VPS54: variants seen among roughly 807,000 people sequenced by gnomAD.
The protein encoded by VPS54 is VPS54 subunit of GARP complex, also known as vacuolar protein sorting-associated protein 54.
VPS54 carries 45 observed loss-of-function variants against 121.5 expected under a neutral mutation model. The ratio of observed to expected loss-of-function variants is 0.37; its 90% CI spans 0.29 to 0.47. The LOEUF (loss-of-function observed/expected upper bound fraction) is 0.47, where lower values mean the gene tolerates loss of function less well. VPS54 is among the 20% of genes least tolerant of loss of function. The pLI, the probability that VPS54 is intolerant of heterozygous loss-of-function variation, is 0.99. For missense variants in VPS54, 1,090 were observed against 1,131.4 expected, an observed-to-expected ratio of 0.96 and a Z score of 0.52; for synonymous variants, 371 against 385.8, an observed-to-expected ratio of 0.96 and a Z score of 0.45.
chr2:64,003,867 C>T (rs912561972), intron 1 of VPS54, among the ~76,000 whole-genome samples: 1 of 152,176 alleles, frequency 6.6e-6, no homozygotes, highest in Non-Finnish European at 1.5e-5. Flanking sequence ...AGAACCCCAC[C>T]AAGCAATGAA....
At chr2:63,995,920 G>A (rs952468397) in intron 1 of VPS54, among the ~76,000 whole-genome samples, 21 of 152,208 alleles carry the variant, frequency 1.4e-4, no homozygotes, top group Admixed American at 2.0e-4. Flanking sequence ...GAGCTGAGGC[G>A]TTAGATCAGG....
At chr2:63,995,735 G>T (rs139042607) in intron 1 of VPS54, among the ~76,000 whole-genome samples, 1 of 152,244 alleles carries the variant, frequency 6.6e-6, no homozygotes, top group African/African-American at 2.4e-5. Flanking sequence ...AATGCAGTGC[G>T]ACTGGAATAC....
intron 3 of VPS54, among the ~76,000 whole-genome samples, chr2:63,976,825 C>CTTTTTTTTTTTTTTTTTTTTTT (rs1174931536): frequency 2.2e-5 from 2 of 89,680 alleles, no homozygotes; most frequent in African/African-American, 8.3e-5. Context: ...TATATCTTCT[C>CTTTTTTTTTTTTTTTTTTTTTT]TTTTTTTTTT....
At chr2:63,934,986 T>C (rs1248393186) in intron 11 of VPS54, among the ~76,000 whole-genome samples, 1 of 152,152 alleles carries the variant, frequency 6.6e-6, no homozygotes, top group Non-Finnish European at 1.5e-5. Flanking sequence ...GGAATCTACA[T>C]GGTTCTAGGG....
At chr2:63,945,864 G>A (rs903402715) in intron 9 of VPS54, among the ~76,000 whole-genome samples, 5 of 152,066 alleles carry the variant, frequency 3.3e-5, no homozygotes, top group African/African-American at 1.2e-4. Flanking sequence ...GCTTAGATTT[G>A]AAGTCTGGGA....
chr2:63,932,572 G>A (rs1332903486), intron 12 of VPS54, among the ~76,000 whole-genome samples: 1 of 151,668 alleles, frequency 6.6e-6, no homozygotes, highest in Non-Finnish European at 1.5e-5. Flanking sequence ...GGGCTGATGG[G>A]TGCAGCAAAC....
intron 10 of VPS54, among the ~76,000 whole-genome samples, chr2:63,943,024 G>A (rs1674809590): frequency 6.6e-6 from 1 of 152,086 alleles, no homozygotes; most frequent in African/African-American, 2.4e-5. Flanking sequence ...ATGTGGCTCT[G>A]GCAAGTGACT....
intron 3 of VPS54, among the ~76,000 whole-genome samples, chr2:63,980,233 C>G (rs1438666284): frequency 6.6e-6 from 1 of 152,074 alleles, no homozygotes; most frequent in Non-Finnish European, 1.5e-5. Flanking sequence ...ATAGTTTTTG[C>G]TCTGAAATCT....
At chr2:63,916,301 T>TA (rs1371116272) in intron 16 of VPS54, among the ~76,000 whole-genome samples, 3 of 152,100 alleles carry the variant, frequency 2.0e-5, no homozygotes, top group Non-Finnish European at 4.4e-5. Context: ...GACATAGTAC[T>TA]AGACAAAAAA....
chr2:63,904,955 G>A (rs1672842059), intron 20 of VPS54, among the ~76,000 whole-genome samples: 1 of 151,888 alleles, frequency 6.6e-6, no homozygotes, highest in Non-Finnish European at 1.5e-5. Context: ...AATAACCCAA[G>A]GCCAAAGAAG....
intron 1 of VPS54, among the ~76,000 whole-genome samples, chr2:64,013,309 G>C (rs1678510627): frequency 6.6e-6 from 1 of 152,094 alleles, no homozygotes; most frequent in Non-Finnish European, 1.5e-5. Context: ...TCAGAATGTG[G>C]AACATGCTCC....
intron 1 of VPS54, among the ~76,000 whole-genome samples, chr2:64,005,133 C>T (rs1294316444): frequency 9.8e-6 from 1 of 101,734 alleles, no homozygotes; most frequent in Non-Finnish European, 1.9e-5. Context: ...AGACGGAGTC[C>T]CGCTCTTTAG....
rs991469815 is a variant in VPS54, at chr2:63,944,468, C to T, written c.1301+132G>A. 6 of 858,722 alleles carry T rather than the reference C, an allele frequency of 7.0e-6. No homozygotes were observed. In the South Asian group the frequency reaches 9.3e-5, roughly 13 times the overall value. The allele number at this position is 858,722 out of a possible 1,614,324, so 53.2% of individuals were successfully genotyped here. ...GCACTGTCTTCGTTCCACACTGTCACTTGTGATTTTCCTACACCCTGCTCA... is the reference window on the plus strand; with the variant it reads ...GCACTGTCTTCGTTCCACACTGTCATTTGTGATTTTCCTACACCCTGCTCA... On this transcript the variant is annotated intron_variant, in intron 10 of 22. Coordinates refer to ENST00000272322, the MANE Select transcript of VPS54 (RefSeq NM_016516.3).
rs145826875 is a variant in VPS54, at chr2:63,938,789, G to C, written c.1398+3676C>G. ...CCAGAGTTATTATGTAATAGGTACA[G>C]AGTTTCAGCTTTGCAAGATAAAAAG... On this transcript the variant is annotated intron_variant, in intron 11 of 22. Coordinates refer to ENST00000272322, the MANE Select transcript of VPS54 (RefSeq NM_016516.3). Among the ~76,000 whole-genome samples the C allele has an allele frequency of 1.4e-4, 22 of 152,306 alleles. No homozygotes were observed. The East Asian group carries it at 4.2e-3, about 29-fold the overall frequency.
chr2:63,944,643 T>C lies in VPS54; in HGVS notation c.1258A>G (p.Lys420Glu). The change falls in exon 10 of 23, where the codon AAA (lysine) becomes GAA (glutamate). Residue 420 changes from lysine (K) to glutamate (E), a missense_variant. Transcript: ENST00000272322. ...KNIIKQCVIN[K>E]VSQTEEIDTD... ...TCTATTTCTTCTGTTTGTGAAACTT[T>C]ATTAATCACACACTGCAAAATTTAA... 6.2e-7 allele frequency: 1 copy of C among 1,609,700 alleles called. No individual in the cohort carries two copies. Among genetic ancestry groups the C allele is most frequent in the Non-Finnish European group, 8.5e-7 (1 of 1,178,366 alleles).
chr2:64,005,127 G>C (rs188377112), intron 1 of VPS54, among the ~76,000 whole-genome samples: 1 of 64,440 alleles, frequency 1.6e-5, no homozygotes, highest in East Asian at 4.5e-4. Flanking sequence ...TTTTTGAGAC[G>C]GAGTCCCGCT....
intron 1 of VPS54, among the ~76,000 whole-genome samples, chr2:64,012,731 G>C (rs1281002131): frequency 6.7e-6 from 1 of 149,984 alleles, no homozygotes; most frequent in Non-Finnish European, 1.5e-5. Context: ...AGCACCAAAT[G>C]AAGGCCCTTT....
At chr2:63,991,812 C>T (rs1242072504) in intron 1 of VPS54, among the ~76,000 whole-genome samples, 1 of 152,198 alleles carries the variant, frequency 6.6e-6, no homozygotes, top group Admixed American at 6.5e-5. Flanking sequence ...CCAACGCAGC[C>T]CCCACCACAA....
At chr2:64,011,349 C>T (rs1016953462) in intron 1 of VPS54, among the ~76,000 whole-genome samples, 2 of 152,050 alleles carry the variant, frequency 1.3e-5, no homozygotes, top group African/African-American at 4.8e-5. Context: ...AGGCAGGTCA[C>T]AAGGACAGGA....
Sources: allele counts gnomAD v4.1 joint callset (sites outside exome capture counted in the v4.1 genomes callset), GRCh38; gene constraint gnomAD v4.1.1; transcripts MANE v1.5; gene names NCBI Gene and HGNC (gene_info 2026-07-23, HGNC 2026-07-21).